NCOR1: variants seen among roughly 807,000 people sequenced by gnomAD.
The protein encoded by NCOR1 is protein phosphatase 1, regulatory subunit 109.
A neutral mutation model predicts 288.1 loss-of-function variants in NCOR1; 63 were observed. The observed-to-expected ratio is 0.22, with a 90% confidence interval of 0.18 to 0.27. The LOEUF (loss-of-function observed/expected upper bound fraction) is 0.27, where lower values mean the gene tolerates loss of function less well. NCOR1 is among the 10% of genes least tolerant of loss of function. The pLI is 1.00. For synonymous variants in NCOR1, 1,007 were observed against 1,065.9 expected (o/e 0.94, Z 1.08); for missense variants, 2,397 against 3,019.2 (o/e 0.79, Z 4.83).
chr17:16,051,637 C>G (rs1474654891), intron 40 of NCOR1, among the ~76,000 whole-genome samples: 1 of 152,064 alleles, frequency 6.6e-6, no homozygotes, highest in Admixed American at 6.6e-5. Context: ...CTGCAGGGGG[C>G]GCGGTGGCTC....
At chr17:16,214,730 A>G (rs1209735132) in intron 1 of NCOR1, among the ~76,000 whole-genome samples, 1 of 152,192 alleles carries the variant, frequency 6.6e-6, no homozygotes, top group African/African-American at 2.4e-5. Context: ...TTTCACAACT[A>G]CAGTTTCTCA....
intron 2 of NCOR1, 94 bp downstream of exon 2, chr17:16,194,368 A>C: frequency 1.4e-6 from 1 of 696,844 alleles, no homozygotes; most frequent in South Asian, 2.5e-5. Context: ...AAAAAAGATA[A>C]ATTTGGTGGT....
chr17:16,145,132 C>T (rs932638341), intron 10 of NCOR1, among the ~76,000 whole-genome samples: 6 of 152,228 alleles, frequency 3.9e-5, no homozygotes, highest in Non-Finnish European at 5.9e-5. Flanking sequence ...AGCTCCTGAC[C>T]GCGAGTGATC....
rs188902874 is a variant in NCOR1, at chr17:16,141,752, T to C, written c.1173+1854A>G. 7.1e-3 allele frequency among the ~76,000 whole-genome samples: 1,081 copies of C among 152,282 alleles called. 9 individuals are homozygous for C. Among genetic ancestry groups the C allele is most frequent in the Non-Finnish European group, 0.011 (758 of 68,010 alleles). On this transcript the variant is annotated intron_variant, in intron 11 of 45. Transcript: ENST00000268712. ...AATTTACCATTGTATTCCCAATGCT[T>C]AAAGGAAAGTTTGGCACATAATAGG...
intron 6 of NCOR1, 97 bp from the exon 7 acceptor site, chr17:16,153,492 G>A: frequency 2.7e-6 from 2 of 730,320 alleles, no homozygotes; most frequent in Non-Finnish European, 2.2e-6. Context: ...CTAATCTATA[G>A]ATGAACTTAT....
At chr17:16,038,213 G>T (rs1374886245) in intron 44 of NCOR1, among the ~76,000 whole-genome samples, 1 of 152,062 alleles carries the variant, frequency 6.6e-6, no homozygotes, top group African/African-American at 2.4e-5. Context: ...AAGCACAAGA[G>T]ATATTCTCAA....
intron 3 of NCOR1, among the ~76,000 whole-genome samples, chr17:16,186,305 T>C (rs758439748): frequency 1.3e-5 from 2 of 152,160 alleles, no homozygotes; most frequent in African/African-American, 2.4e-5. Flanking sequence ...CTATAGAACA[T>C]AACCAAGGAC....
intron 43 of NCOR1, 161 bp from the exon 44 acceptor site, chr17:16,039,815 GTCTC>G (rs772841727): frequency 9.4e-6 from 6 of 639,244 alleles, no homozygotes; most frequent in African/African-American, 5.5e-5. Flanking sequence ...TGGAGACAGA[GTCTC>G]TCTCTGTCGC....
In NCOR1 at chr17:16,138,191, GT is replaced by G; in HGVS notation, c.1373del (p.Asn458ThrfsTer4). 1 of 1,612,906 alleles carries G rather than the reference GT, an allele frequency of 6.2e-7. No homozygotes were observed. Among genetic ancestry groups the G allele is most frequent in the Non-Finnish European group, 8.5e-7 (1 of 1,179,310 alleles). ...CCAAGTATGATGCAATTAGTCCAAAGTTTTTTGGATGCTGGATAAACCTGAG... is the reference window on the plus strand; with the variant it reads ...CCAAGTATGATGCAATTAGTCCAAAGTTTTTGGATGCTGGATAAACCTGAG... ...FKDKFIQHPK[N>X]FGLIASYLER... On this transcript the variant is annotated frameshift_variant, in exon 13 of 46. Transcript: ENST00000268712. LOFTEE classifies it high-confidence loss of function.
At chr17:16,086,774 C>G (rs1437028707) in intron 22 of NCOR1, among the ~76,000 whole-genome samples, 1 of 152,190 alleles carries the variant, frequency 6.6e-6, no homozygotes, top group Non-Finnish European at 1.5e-5. Context: ...TTCTTAAAAA[C>G]AGCTGATAAC....
Position 16,058,489 on chromosome 17 carries a change from TAAC to T in NCOR1, c.5989_5991del (p.Val1997del), listed in dbSNP as rs148818383. 1.9e-3 allele frequency: 3,041 copies of T among 1,613,536 alleles called. 50 individuals carry two copies. In the African/African-American group the frequency reaches 0.035, roughly 18 times the overall value. ...GACATACTTTCCGCTTGATTTGCCT[TAAC>T]AACCTCTGGCTGATAGGTCTGCAGT... On this transcript the variant is annotated inframe_deletion, in exon 38 of 46. Transcript: ENST00000268712.
intron 5 of NCOR1, among the ~76,000 whole-genome samples, chr17:16,159,413 C>CAAAAAAAAAAAAAAAAAAAA: frequency 1.5e-5 from 1 of 66,298 alleles, no homozygotes; most frequent in Non-Finnish European, 2.8e-5. Flanking sequence ...AACTCTATCT[C>CAAAAAAAAAAAAAAAAAAAA]AAAAAAAAAA....
At chr17:16,205,143 C>T (rs1394517218) in intron 1 of NCOR1, among the ~76,000 whole-genome samples, 2 of 151,672 alleles carry the variant, frequency 1.3e-5, no homozygotes, top group Non-Finnish European at 2.9e-5. Flanking sequence ...TCACTTGAAC[C>T]CAGGAGGCAG....
At chr17:16,071,294 A>T (rs1363283173) in intron 30 of NCOR1, 115 bp downstream of exon 30, 12 of 1,426,442 alleles carry the variant, frequency 8.4e-6, no homozygotes, top group Non-Finnish European at 1.1e-5. Flanking sequence ...GGAAACTTTC[A>T]TGTTTACTTC....
chr17:16,041,563 C>CGTGT (rs1597698815), intron 42 of NCOR1, among the ~76,000 whole-genome samples: 2 of 150,408 alleles, frequency 1.3e-5, no homozygotes, highest in East Asian at 3.9e-4. Context: ...ATAGGCCCCC[C>CGTGT]GCCACCATGC....
intron 10 of NCOR1, among the ~76,000 whole-genome samples, chr17:16,145,861 G>T (rs955390762): frequency 1.3e-5 from 2 of 152,236 alleles, no homozygotes; most frequent in Non-Finnish European, 2.9e-5. Context: ...GAGAGGGGGG[G>T]AAATGTGGCG....
rs2063260765 is a variant in NCOR1 at position 16,080,717 on chromosome 17, C to T, written c.3188G>A (p.Gly1063Asp). 4.4e-6 allele frequency: 7 copies of T among 1,608,282 alleles called. No individual in the cohort carries two copies. Among genetic ancestry groups the T allele is most frequent in the Non-Finnish European group, 5.9e-6 (7 of 1,177,918 alleles). Residue 1063 changes from glycine (G) to aspartate (D), a missense_variant, in exon 24 of 46, where the codon GGC becomes GAC. By Grantham distance (94) the Gly-to-Asp change is moderately conservative. Transcript: ENST00000268712. ...CTGATTATGAGAAGTCAAATAAGTG[C>T]CTGGTGTTCCCTAAGAAAAAAACAA... Reference protein sequence around the residue: ...MGGSISQGTPGTYLTSHNQAS... With the variant: ...MGGSISQGTPDTYLTSHNQAS...
chr17:16,215,471 G>A lies in NCOR1; in HGVS notation c.-180C>T. ...CCTCGTTCGGCGCGGCGAGTCGGAC[G>A]CTCACTCCAGCCGCCGCCGCCGCCG... is the stretch of plus-strand genomic sequence containing the variant. On this transcript the variant is annotated 5_prime_UTR_variant, in exon 1 of 46. Transcript: ENST00000268712. The A allele has an allele frequency of 2.5e-6, 1 of 398,194 alleles. No individual in the cohort carries two copies. The highest frequency in any genetic ancestry group is 4.4e-6 in the Non-Finnish European group (1 of 225,888). The allele number at this position is 398,194 out of a possible 1,614,324, so 24.7% of individuals were successfully genotyped here. A position where few individuals can be genotyped will look rare whatever the true frequency, so the allele number is the denominator to read the frequency against.
intron 23 of NCOR1, among the ~76,000 whole-genome samples, chr17:16,083,870 T>C (rs1049668250): frequency 1.3e-5 from 2 of 151,364 alleles, no homozygotes; most frequent in African/African-American, 4.9e-5. Context: ...GGGGGGGAAA[T>C]AAACATCACC....
Sources: gnomAD v4.1 joint callset for allele counts (sites outside exome capture counted in the v4.1 genomes callset) on GRCh38, gnomAD v4.1.1 for gene constraint, MANE v1.5 for transcripts, NCBI Gene and HGNC (gene_info 2026-07-23, HGNC 2026-07-21) for gene names.